Variants in SGCD observed in about 807,000 individuals in gnomAD.
SGCD encodes sarcoglycan delta.
A neutral mutation model predicts 36.6 loss-of-function variants in SGCD; 18 were observed. The observed-to-expected ratio is 0.49, with a 90% CI of 0.34 to 0.73. The LOEUF is 0.73. Ranked by LOEUF, SGCD falls within the 30% of genes least tolerant of loss-of-function variation. The probability of loss-of-function intolerance (pLI) is 0.01; values close to 1 mark genes in which losing one functional copy is unlikely to be tolerated. For missense variants in SGCD, 387 were observed against 346.7 expected (o/e 1.12, Z -0.92); for synonymous variants, 133 against 130.6 (o/e 1.02, Z -0.12).
chr5:156,475,992 C>T (rs529683056), intron 3 of SGCD, among the ~76,000 whole-genome samples: 7 of 152,286 alleles, frequency 4.6e-5, no homozygotes, highest in African/African-American at 1.7e-4. Context: ...GGGAGGGAGG[C>T]AATTGTCTGC....
Position 155,950,048 on chromosome 5 carries a change from T to C in SGCD, c.-282+79624T>C, listed in dbSNP as rs141634595. Among the ~76,000 whole-genome samples the C allele has an allele frequency of 7.9e-5, 12 of 152,310 alleles. No homozygotes were observed. In the East Asian group the frequency reaches 2.3e-3, roughly 29 times the overall value. ...ATCATTCAGTTTAGTTTTGAAAATT[T>C]TTATTGCAAGCAATAGAAAACTTGA... On this transcript the variant is annotated intron_variant, in intron 1 of 9. Coordinates refer to the SGCD transcript ENST00000517913.
At chr5:156,542,964 A>G (rs1758407933) in intron 4 of SGCD, among the ~76,000 whole-genome samples, 1 of 152,232 alleles carries the variant, frequency 6.6e-6, no homozygotes, top group South Asian at 2.1e-4. Flanking sequence ...GAATTCAGGT[A>G]AACAGAGGCA....
intron 7 of SGCD, among the ~76,000 whole-genome samples, chr5:156,675,722 A>G (rs1397795913): frequency 6.6e-6 from 1 of 152,176 alleles, no homozygotes; most frequent in Non-Finnish European, 1.5e-5. Context: ...GAGTTTTTGA[A>G]CTTTTTCTGA....
At chr5:156,624,057 T>C (rs924856097) in intron 6 of SGCD, among the ~76,000 whole-genome samples, 4 of 152,130 alleles carry the variant, frequency 2.6e-5, no homozygotes, top group African/African-American at 9.7e-5. Context: ...TCTCCCATCA[T>C]TGGGAACTTA....
At chr5:156,083,959 G>A (rs534589006) in intron 1 of SGCD, among the ~76,000 whole-genome samples, 4 of 152,170 alleles carry the variant, frequency 2.6e-5, no homozygotes, top group African/African-American at 9.6e-5. Context: ...ATTGATCTAT[G>A]TGCCTATCTC....
At chr5:156,120,646 A>C (rs913485558) in intron 2 of SGCD, among the ~76,000 whole-genome samples, 8 of 152,150 alleles carry the variant, frequency 5.3e-5, no homozygotes, top group Non-Finnish European at 7.4e-5. Context: ...TTTTCTCTGA[A>C]GCATTGTAAC....
intron 7 of SGCD, among the ~76,000 whole-genome samples, chr5:156,755,216 G>T (rs924676020): frequency 6.6e-6 from 1 of 152,184 alleles, no homozygotes; most frequent in Admixed American, 6.5e-5. Context: ...GTTAAAAGAC[G>T]TGTTAACTGA....
intron 3 of SGCD, among the ~76,000 whole-genome samples, chr5:156,206,761 G>A (rs575903259): frequency 1.5e-4 from 23 of 151,774 alleles, no homozygotes; most frequent in African/African-American, 5.6e-4. Flanking sequence ...CTGCTTCTTT[G>A]TCTCATTTTT....
chr5:155,823,807 G>A, the SGCD span, among the ~76,000 whole-genome samples: 1 of 152,176 alleles, frequency 6.6e-6, no homozygotes, highest in South Asian at 2.1e-4. Context: ...CTTCTTTACA[G>A]AGTTATTATT....
At chr5:156,729,524 C>T (rs1755952155) in intron 7 of SGCD, among the ~76,000 whole-genome samples, 1 of 152,144 alleles carries the variant, frequency 6.6e-6, no homozygotes, top group South Asian at 2.1e-4. Flanking sequence ...TGGGATGATA[C>T]ACATAAAGGA....
the SGCD span, among the ~76,000 whole-genome samples, chr5:155,777,278 G>A: frequency 1.3e-5 from 2 of 151,602 alleles, no homozygotes; most frequent in African/African-American, 4.8e-5. Context: ...GTATATTGTT[G>A]CTAGAAGTTC....
intron 3 of SGCD, among the ~76,000 whole-genome samples, chr5:156,235,175 T>A (rs1765124461): frequency 6.6e-6 from 1 of 152,162 alleles, no homozygotes; most frequent in Non-Finnish European, 1.5e-5. Context: ...TGGCAGAGAC[T>A]GAAGGATGAA....
intron 4 of SGCD, among the ~76,000 whole-genome samples, chr5:156,571,559 C>T (rs1395089290): frequency 6.6e-6 from 1 of 152,140 alleles, no homozygotes; most frequent in East Asian, 1.9e-4. Context: ...CAGCAGTGAG[C>T]TTCACTGCTG....
chr5:156,552,077 C>T (rs1017616835), intron 4 of SGCD, among the ~76,000 whole-genome samples: 10 of 152,202 alleles, frequency 6.6e-5, no homozygotes, highest in Non-Finnish European at 1.5e-4. Flanking sequence ...ATAGCATGGA[C>T]ATCTGTAAGC....
intron 2 of SGCD, among the ~76,000 whole-genome samples, chr5:156,332,726 AC>A (rs1296263391): frequency 6.6e-6 from 1 of 152,154 alleles, no homozygotes; most frequent in East Asian, 1.9e-4. Flanking sequence ...AATTAGAACC[AC>A]CTCATCGGAT....
At chr5:155,806,955 T>A in the SGCD span, among the ~76,000 whole-genome samples, 1 of 152,216 alleles carries the variant, frequency 6.6e-6, no homozygotes, top group African/African-American at 2.4e-5. Context: ...CTAGGGCATA[T>A]ACTATGTCAA....
At chr5:156,348,026 T>A (rs566050448) in intron 3 of SGCD, among the ~76,000 whole-genome samples, 41 of 152,322 alleles carry the variant, frequency 2.7e-4, no homozygotes, top group Non-Finnish European at 4.6e-4. Flanking sequence ...AGAAAATTGG[T>A]CTTGCCCTGC....
the SGCD span, among the ~76,000 whole-genome samples, chr5:155,858,242 T>G: frequency 2.0e-5 from 3 of 152,242 alleles, no homozygotes; most frequent in Admixed American, 2.0e-4. Context: ...ATCTCATGCA[T>G]TATATTTTTT....
At chr5:156,408,358 A>AT (rs199533412) in intron 3 of SGCD, among the ~76,000 whole-genome samples, 2,754 of 138,976 alleles carry the variant, frequency 0.02, 59 homozygotes, top group African/African-American at 0.06. Context: ...CCCAAGTTGG[A>AT]TTTTTTTTTT....
Sources: gnomAD v4.1 joint callset for allele counts (sites outside exome capture counted in the v4.1 genomes callset) on GRCh38, gnomAD v4.1.1 for gene constraint, MANE v1.5 for transcripts, NCBI Gene and HGNC (gene_info 2026-07-23, HGNC 2026-07-21) for gene names.